Variants in PTPRT observed in about 807,000 individuals in gnomAD.
The protein encoded by PTPRT is protein tyrosine phosphatase receptor type T.
Under a neutral mutation model 176.8 loss-of-function variants are expected in PTPRT, and 56 were observed. The observed-to-expected ratio is 0.32, with a 90% CI of 0.26 to 0.40. The LOEUF is 0.40. Ranked by LOEUF, PTPRT falls within the 10% of genes least tolerant of loss-of-function variation. The pLI is 1.00. For missense variants in PTPRT, 1,540 were observed against 1,908.2 expected (o/e 0.81, Z 3.60); for synonymous variants, 783 against 739.0 (o/e 1.06, Z -0.96).
intron 1 of PTPRT, among the ~76,000 whole-genome samples, chr20:43,185,454 C>A (rs561089332): frequency 6.6e-6 from 1 of 152,118 alleles, no homozygotes; most frequent in Non-Finnish European, 1.5e-5. Context: ...TGTGTCCTGA[C>A]GCAATATGTA....
chr20:42,331,419 GTT>G (rs11086829), intron 11 of PTPRT, among the ~76,000 whole-genome samples: 38,601 of 149,764 alleles, frequency 0.26, 5,486 homozygotes, highest in African/African-American at 0.37. Flanking sequence ...TCTCTGAACA[GTT>G]TTTTTTTTTT....
intron 17 of PTPRT, among the ~76,000 whole-genome samples, chr20:42,148,689 G>T (rs535842798): frequency 1.3e-5 from 2 of 152,172 alleles, no homozygotes; most frequent in East Asian, 1.9e-4. Flanking sequence ...ACAATTGCAC[G>T]GAAGACCAAC....
chr20:42,716,877 T>A (rs977313497), intron 6 of PTPRT, among the ~76,000 whole-genome samples: 21 of 152,134 alleles, frequency 1.4e-4, no homozygotes, highest in African/African-American at 4.8e-4. Flanking sequence ...TGAGTTCATG[T>A]CCTTTGTAGG....
At chr20:42,109,837 C>A (rs1986850662) in intron 23 of PTPRT, among the ~76,000 whole-genome samples, 1 of 152,178 alleles carries the variant, frequency 6.6e-6, no homozygotes, top group African/African-American at 2.4e-5. Flanking sequence ...TGACTGACTT[C>A]TTCACTGTTT....
At chr20:43,094,877 CA>C (rs1249783253) in intron 1 of PTPRT, among the ~76,000 whole-genome samples, 8 of 152,080 alleles carry the variant, frequency 5.3e-5, no homozygotes, top group Non-Finnish European at 1.0e-4. Flanking sequence ...AAGGGGCTAA[CA>C]GGGGTGTGCA....
At chr20:43,182,517 A>G (rs2015284327) in intron 1 of PTPRT, among the ~76,000 whole-genome samples, 1 of 152,008 alleles carries the variant, frequency 6.6e-6, no homozygotes, top group Non-Finnish European at 1.5e-5. Context: ...CAGCCACCCA[A>G]GTAGCTGGGA....
intron 6 of PTPRT, among the ~76,000 whole-genome samples, chr20:42,694,500 T>C (rs560516735): frequency 1.3e-5 from 2 of 152,256 alleles, no homozygotes; most frequent in East Asian, 3.8e-4. Flanking sequence ...AAAATAAAAC[T>C]GCCATGAACA....
intron 7 of PTPRT, among the ~76,000 whole-genome samples, chr20:42,657,579 A>T (rs1267875192): frequency 2.0e-5 from 3 of 152,070 alleles, no homozygotes; most frequent in Admixed American, 6.6e-5. Context: ...GGGGGGGAAA[A>T]ATCTGTGCTT....
chr20:42,348,321 C>G (rs1194746540), intron 11 of PTPRT, among the ~76,000 whole-genome samples: 1 of 152,096 alleles, frequency 6.6e-6, no homozygotes, highest in Non-Finnish European at 1.5e-5. Flanking sequence ...GGAAAAGCAG[C>G]CAGACATTTC....
At chr20:42,498,599 C>T (rs533590045) in intron 7 of PTPRT, among the ~76,000 whole-genome samples, 5 of 152,258 alleles carry the variant, frequency 3.3e-5, no homozygotes, top group African/African-American at 9.6e-5. Flanking sequence ...CCTTCCCCTA[C>T]GAGGTCTTTT....
chr20:42,403,063 T>A (rs1287589536), intron 9 of PTPRT, among the ~76,000 whole-genome samples: 1 of 152,126 alleles, frequency 6.6e-6, no homozygotes, highest in Non-Finnish European at 1.5e-5. Context: ...ACAAAAAGTC[T>A]TAGTCTGATT....
chr20:42,447,258 C>G (rs1450203352), intron 9 of PTPRT, among the ~76,000 whole-genome samples: 2 of 152,124 alleles, frequency 1.3e-5, no homozygotes, highest in African/African-American at 4.8e-5. Context: ...GTCTTTCCCC[C>G]TCGTCAGATT....
chr20:42,220,396 C>T (rs191044337), intron 15 of PTPRT, among the ~76,000 whole-genome samples: 2 of 152,130 alleles, frequency 1.3e-5, no homozygotes, highest in African/African-American at 4.8e-5. Flanking sequence ...AGCTAAAATG[C>T]CATTGTACAT....
intron 1 of PTPRT, among the ~76,000 whole-genome samples, chr20:43,119,849 A>G (rs2013191910): frequency 6.6e-6 from 1 of 152,222 alleles, no homozygotes; most frequent in African/African-American, 2.4e-5. Context: ...CATCATATAA[A>G]TAGCAATGTC....
At chr20:42,844,459 CA>C (rs766557650) in intron 2 of PTPRT, among the ~76,000 whole-genome samples, 11 of 152,156 alleles carry the variant, frequency 7.2e-5, no homozygotes, top group Non-Finnish European at 1.3e-4. Context: ...AGTCCTTGCT[CA>C]GGTGATTTCA....
At chr20:42,204,541 G>A (rs995615632) in intron 15 of PTPRT, among the ~76,000 whole-genome samples, 3 of 152,218 alleles carry the variant, frequency 2.0e-5, no homozygotes, top group Non-Finnish European at 4.4e-5. Flanking sequence ...TTCCAAAGCT[G>A]AAGACTGTTT....
rs142317856 is a variant in PTPRT, at chr20:42,951,020, C to G, written c.89-65088G>C. Among the ~76,000 whole-genome samples, 628 of 152,288 alleles carry G rather than the reference C, an allele frequency of 4.1e-3. 17 individuals carry two copies. Among genetic ancestry groups the G allele is most frequent in the Admixed American group, 0.036 (557 of 15,294 alleles). On this transcript the variant is annotated intron_variant, in intron 1 of 30. Transcript: ENST00000373187. ...ATCAAAGAGCACTTTTATTTCTGAC[C>G]TAACAGCACTAAATGTATTTTGCCT...
At chr20:42,712,802 T>C (rs2076164751) in intron 6 of PTPRT, among the ~76,000 whole-genome samples, 1 of 152,210 alleles carries the variant, frequency 6.6e-6, no homozygotes, top group Non-Finnish European at 1.5e-5. Flanking sequence ...AAGATATGCT[T>C]GCACAGTGAA....
the PTPRT span, among the ~76,000 whole-genome samples, chr20:42,039,470 A>G: frequency 1.3e-5 from 2 of 151,864 alleles, no homozygotes; most frequent in Non-Finnish European, 2.9e-5. Flanking sequence ...TTTGACTGAC[A>G]TCTCCTCAGT....
Sources: gnomAD v4.1 joint callset for allele counts (sites outside exome capture counted in the v4.1 genomes callset) on GRCh38, gnomAD v4.1.1 for gene constraint, MANE v1.5 for transcripts, NCBI Gene and HGNC (gene_info 2026-07-23, HGNC 2026-07-21) for gene names.